The following MAEL variants were observed in gnomAD, a reference collection of about 807,000 sequenced individuals.
MAEL encodes the protein maelstrom spermatogenic transposon silencer.
In MAEL, 46 loss-of-function variants were observed where a neutral mutation model predicts 62.0. The ratio of observed to expected loss-of-function variants is 0.74; its 90% confidence interval spans 0.59 to 0.95. The LOEUF (loss-of-function observed/expected upper bound fraction) is 0.95, where lower values mean the gene tolerates loss of function less well. MAEL is among the 40% of genes least tolerant of loss of function. The pLI is 0.00. For missense variants in MAEL, 497 were observed against 526.8 expected, an observed-to-expected ratio of 0.94 and a Z score of 0.55; for synonymous variants, 172 against 175.5, an observed-to-expected ratio of 0.98 and a Z score of 0.16.
intron 1 of MAEL, among the ~76,000 whole-genome samples, chr1:166,981,870 C>T (rs1366419829): frequency 6.6e-6 from 1 of 152,170 alleles, no homozygotes; most frequent in Admixed American, 6.5e-5. Flanking sequence ...CGGCAATGTA[C>T]CATCCATGAG....
rs1017924319 is a variant in MAEL at position 167,021,992 on chromosome 1, A to T, written c.*137A>T. ...TTAATTTGTAAGGAAATTGTTTCAT[A>T]GATTTAAAAAAATTGTGGTTGGAGA... On this transcript the variant is annotated 3_prime_UTR_variant, in exon 12 of 12. Transcript: ENST00000367872. 3 of 624,688 alleles carry T rather than the reference A, an allele frequency of 4.8e-6. No individual in the cohort carries two copies. The highest frequency in any genetic ancestry group is 7.7e-6 in the Non-Finnish European group (3 of 387,464). 38.7% of individuals were successfully genotyped at this position (624,688 alleles called of 1,614,324 possible). A position where few individuals can be genotyped will look rare whatever the true frequency, so the allele number is the denominator to read the frequency against.
intron 9 of MAEL, among the ~76,000 whole-genome samples, chr1:167,017,407 T>C (rs889167649): frequency 2.6e-5 from 4 of 152,170 alleles, no homozygotes; most frequent in South Asian, 2.1e-4. Context: ...CATAGGTCTT[T>C]TGTTCTCGTT....
chr1:166,989,190 T>C (rs969299078), upstream of MAEL: 44 of 932,178 alleles, frequency 4.7e-5, no homozygotes, highest in African/African-American at 6.7e-5. Context: ...AGTCTCAGGC[T>C]GTTTGTTCCC....
At chr1:167,007,560 TG>T (rs1281041416) in intron 8 of MAEL, among the ~76,000 whole-genome samples, 15 of 27,952 alleles carry the variant, frequency 5.4e-4, no homozygotes, top group African/African-American at 3.3e-3. Context: ...TATATGTTTG[TG>T]TGTGTGTGTG....
intron 8 of MAEL, among the ~76,000 whole-genome samples, chr1:167,007,597 GTA>G (rs765678423): frequency 0.024 from 1,343 of 55,592 alleles, 10 homozygotes; most frequent in Non-Finnish European, 0.028. Context: ...GTGTGTGTGT[GTA>G]TGTACACACA....
At chr1:167,016,797 A>G (rs1402279311) in intron 9 of MAEL, among the ~76,000 whole-genome samples, 1 of 152,206 alleles carries the variant, frequency 6.6e-6, no homozygotes, top group Non-Finnish European at 1.5e-5. Flanking sequence ...AGTACTATTC[A>G]GCCATTAAAA....
chr1:166,989,328 G>A lies in MAEL; in HGVS notation c.-25G>A. 1.2e-6 allele frequency: 2 copies of A among 1,604,114 alleles called. No homozygotes were observed. Among genetic ancestry groups the A allele is most frequent in the South Asian group, 1.1e-5 (1 of 89,042 alleles). ...GGCGCCGGTGCTTTGTTCTGTCTGA[G>A]GCCAGGAAGTTTGACCGCGCTGCCA... On this transcript the variant is annotated 5_prime_UTR_variant, in exon 1 of 12. Transcript: ENST00000367872.
chr1:166,991,324 G>A (rs558675815), intron 2 of MAEL, 54 bp from the exon 3 acceptor site: 689 of 1,119,858 alleles, frequency 6.2e-4, no homozygotes, highest in South Asian at 1.1e-3. Flanking sequence ...TTAATGTATG[G>A]TCTAAAAGTG....
intron 5 of MAEL, among the ~76,000 whole-genome samples, chr1:166,996,556 TAAA>T (rs1182740294): frequency 6.6e-6 from 1 of 152,172 alleles, no homozygotes; most frequent in African/African-American, 2.4e-5. Context: ...CGAACATTAA[TAAA>T]AAAGCACCCA....
intron 1 of MAEL, among the ~76,000 whole-genome samples, chr1:166,981,222 A>G (rs1391018425): frequency 6.6e-6 from 1 of 152,142 alleles, no homozygotes. Flanking sequence ...TCCTTCCCCA[A>G]TTCTGAGTAG....
At chr1:167,016,073 C>A in intron 8 of MAEL, 149 bp from the exon 9 acceptor site, 1 of 699,852 alleles carries the variant, frequency 1.4e-6, no homozygotes, top group Non-Finnish European at 2.5e-6. Context: ...GCATTAAAAT[C>A]TGTTTTTTAA....
chr1:167,005,272 A>C lies in MAEL; in HGVS notation c.720A>C (p.Leu240=). The C allele has an allele frequency of 6.2e-7, 1 of 1,613,266 alleles. No individual in the cohort carries two copies. Among genetic ancestry groups the C allele is most frequent in the Non-Finnish European group, 8.5e-7 (1 of 1,179,688 alleles). ...MAKASEIRQD[L]QLLTVEDLVV... The stretch of plus-strand genomic sequence containing the variant: ...TAATGGAAGAAATCAGGCAAGATCT[A>C]CAACTTCTCACTGTAGAGGACCTTG... Residue 240 remains leucine (L), a synonymous_variant, in exon 8 of 12, where the codon CTA becomes CTC. Transcript: ENST00000367872.
intron 5 of MAEL, among the ~76,000 whole-genome samples, chr1:166,998,653 G>C (rs116937458): frequency 6.6e-6 from 1 of 152,090 alleles, no homozygotes; most frequent in African/African-American, 2.4e-5. Context: ...TTTTTGGTGT[G>C]TGCTCTTTAT....
intron 5 of MAEL, among the ~76,000 whole-genome samples, chr1:166,999,577 C>T (rs10918608): frequency 0.39 from 59,432 of 152,040 alleles, 12,763 homozygotes; most frequent in African/African-American, 0.59. Flanking sequence ...CAAGTGCTGA[C>T]GTAGACGCTG....
intron 8 of MAEL, 107 bp from the exon 9 acceptor site, chr1:167,016,115 T>G: frequency 1.0e-6 from 1 of 982,020 alleles, no homozygotes; most frequent in Non-Finnish European, 1.6e-6. Flanking sequence ...AGTTTTAGTC[T>G]TCAAGTAACC....
At chr1:167,014,535 G>C (rs1057017799) in intron 8 of MAEL, among the ~76,000 whole-genome samples, 17 of 152,170 alleles carry the variant, frequency 1.1e-4, no homozygotes, top group Non-Finnish European at 1.5e-4. Flanking sequence ...AATTCCAAAA[G>C]AGTTTCAAAA....
At chr1:167,017,024 T>A (rs1016597406) in intron 9 of MAEL, among the ~76,000 whole-genome samples, 1 of 152,158 alleles carries the variant, frequency 6.6e-6, no homozygotes, top group Non-Finnish European at 1.5e-5. Flanking sequence ...TGAAGATTGT[T>A]AATTAGTACA....
intron 2 of MAEL, chr1:166,990,667 GAAA>G (rs918714724): frequency 1.4e-5 from 2 of 147,604 alleles, no homozygotes; most frequent in Non-Finnish European, 3.0e-5. Context: ...TCAAAAAAAA[GAAA>G]AAAAAAAGTT....
intron 10 of MAEL, among the ~76,000 whole-genome samples, chr1:167,019,158 C>A (rs932691036): frequency 3.3e-5 from 5 of 152,060 alleles, no homozygotes; most frequent in Non-Finnish European, 7.4e-5. Context: ...TTGGTTGTCA[C>A]ATCTGGGGAG....
Sources: allele counts gnomAD v4.1 joint callset (sites outside exome capture counted in the v4.1 genomes callset), GRCh38; gene constraint gnomAD v4.1.1; transcripts MANE v1.5; gene names NCBI Gene and HGNC (gene_info 2026-07-23, HGNC 2026-07-21).